Variants in KCNMB2 observed in about 807,000 individuals in gnomAD.
KCNMB2 encodes the protein calcium-activated potassium channel subunit beta-2.
KCNMB2 carries 9 observed loss-of-function variants against 24.5 expected under a neutral mutation model. That is an observed-to-expected ratio of 0.37 (90% CI 0.22 to 0.64). The LOEUF is 0.64. Among genes scored for constraint, KCNMB2 ranks in the 30% least tolerant of loss-of-function variants. The pLI, the probability that KCNMB2 is intolerant of heterozygous loss-of-function variation, is 0.63. For synonymous variants in KCNMB2, 109 were observed against 104.4 expected, an observed-to-expected ratio of 1.04 and a Z score of -0.27; for missense variants, 226 against 284.3, an observed-to-expected ratio of 0.79 and a Z score of 1.47.
At chr3:178,742,984 G>A (rs1334940721) in intron 1 of KCNMB2, among the ~76,000 whole-genome samples, 1 of 152,114 alleles carries the variant, frequency 6.6e-6, no homozygotes, top group Non-Finnish European at 1.5e-5. Context: ...GATTTTTTGA[G>A]TCTGTGGCTG....
At chr3:178,611,330 C>T in intron 1 of KCNMB2, among the ~76,000 whole-genome samples, 1 of 152,010 alleles carries the variant, frequency 6.6e-6, no homozygotes. Context: ...TTTTGTATTT[C>T]TCATTGTATT....
intron 1 of KCNMB2, among the ~76,000 whole-genome samples, chr3:178,745,715 G>A (rs748673242): frequency 1.1e-4 from 16 of 152,166 alleles, no homozygotes; most frequent in Admixed American, 1.3e-4. Flanking sequence ...TACAGCATTG[G>A]GTAAATACAG....
At chr3:178,647,462 A>G (rs1719959280) in intron 1 of KCNMB2, among the ~76,000 whole-genome samples, 1 of 152,182 alleles carries the variant, frequency 6.6e-6, no homozygotes, top group East Asian at 1.9e-4. Flanking sequence ...GCCTTAACAG[A>G]GTGCACTAGA....
chr3:178,640,032 T>A (rs1250806218), intron 1 of KCNMB2, among the ~76,000 whole-genome samples: 1 of 148,236 alleles, frequency 6.7e-6, no homozygotes, highest in Non-Finnish European at 1.5e-5. Flanking sequence ...CACATGCCAA[T>A]AAATATCAAT....
intron 2 of KCNMB2, among the ~76,000 whole-genome samples, chr3:178,809,080 T>G (rs1714088100): frequency 6.6e-6 from 1 of 152,234 alleles, no homozygotes; most frequent in African/African-American, 2.4e-5. Flanking sequence ...GCTTTCAAGT[T>G]GAATCATCTT....
At chr3:178,778,099 G>C (rs1304692407) in intron 1 of KCNMB2, among the ~76,000 whole-genome samples, 1 of 152,134 alleles carries the variant, frequency 6.6e-6, no homozygotes. Flanking sequence ...TTTGCTTGCA[G>C]TGTTTCTTTT....
intron 1 of KCNMB2, among the ~76,000 whole-genome samples, chr3:178,649,829 G>T (rs989632743): frequency 5.2e-5 from 3 of 57,708 alleles, no homozygotes; most frequent in African/African-American, 2.4e-4. Flanking sequence ...TGGATTCATT[G>T]ACTTTTTTCT....
At chr3:178,615,278 C>CT (rs1429133940) in intron 1 of KCNMB2, among the ~76,000 whole-genome samples, 1 of 152,194 alleles carries the variant, frequency 6.6e-6, no homozygotes, top group Non-Finnish European at 1.5e-5. Context: ...TCCCTGGCTA[C>CT]TGCCTATGTT....
chr3:178,619,177 T>C (rs1445613646), intron 1 of KCNMB2, among the ~76,000 whole-genome samples: 2 of 152,188 alleles, frequency 1.3e-5, no homozygotes, highest in African/African-American at 4.8e-5. Flanking sequence ...GAATTTACAG[T>C]CTAGTAGGGG....
intron 1 of KCNMB2, chr3:178,748,869 A>C (rs190870077): frequency 6.6e-6 from 1 of 152,196 alleles, no homozygotes. Flanking sequence ...GTTCTCTGCT[A>C]AGGGAAGGAA....
intron 1 of KCNMB2, among the ~76,000 whole-genome samples, chr3:178,638,085 G>C (rs1445667777): frequency 6.6e-6 from 1 of 152,024 alleles, no homozygotes; most frequent in Non-Finnish European, 1.5e-5. Flanking sequence ...TCAGCACCTC[G>C]ATTCAGACCT....
intron 1 of KCNMB2, among the ~76,000 whole-genome samples, chr3:178,727,818 G>A (rs1170563290): frequency 2.0e-5 from 3 of 152,150 alleles, no homozygotes; most frequent in Non-Finnish European, 4.4e-5. Flanking sequence ...ATAAATTTGT[G>A]TTCTTTTAAG....
At chr3:178,616,746 G>A (rs2108522546) in intron 1 of KCNMB2, among the ~76,000 whole-genome samples, 1 of 152,212 alleles carries the variant, frequency 6.6e-6, no homozygotes, top group Admixed American at 6.5e-5. Flanking sequence ...TCACCATCTT[G>A]CCCTGCCTCC....
chr3:178,726,613 C>T (rs1722975387), intron 1 of KCNMB2, among the ~76,000 whole-genome samples: 1 of 151,732 alleles, frequency 6.6e-6, no homozygotes, highest in African/African-American at 2.4e-5. Context: ...TAGATATACA[C>T]TGCATCTAAA....
rs74908069 is a variant in KCNMB2, at chr3:178,754,033, T to C, written c.-67-53310T>C. ...TAGATTTCACATATAAGTGAGATTATGCAGTATTTATCTTTCTGTGCCTGG... is the reference window on the plus strand; with the variant it reads ...TAGATTTCACATATAAGTGAGATTACGCAGTATTTATCTTTCTGTGCCTGG... On this transcript the variant is annotated intron_variant, in intron 1 of 4. Transcript: ENST00000452583. Among the ~76,000 whole-genome samples the C allele has an allele frequency of 4.5e-3, 680 of 151,616 alleles. 12 individuals carry two copies. The highest frequency in any genetic ancestry group is 0.032 in the East Asian group (168 of 5,172).
intron 1 of KCNMB2, among the ~76,000 whole-genome samples, chr3:178,668,402 C>T (rs1720792058): frequency 6.6e-6 from 1 of 151,976 alleles, no homozygotes; most frequent in South Asian, 2.1e-4. Context: ...AGTGTAAGAG[C>T]TTTTTCTGCG....
chr3:178,828,386 C>T lies in KCNMB2; in HGVS notation c.423+13C>T, dbSNP rs200274160. 4.4e-6 allele frequency: 7 copies of T among 1,598,212 alleles called. No homozygotes were observed. The highest frequency in any genetic ancestry group is 2.7e-5 in the African/African-American group (2 of 74,682). ...AATCAATCAGAAGGTAGGAACTTGGCGTACTGCATTTCAGTTACCCCACAG... is the reference window on the plus strand; with the variant it reads ...AATCAATCAGAAGGTAGGAACTTGGTGTACTGCATTTCAGTTACCCCACAG... On this transcript the variant is annotated intron_variant, in intron 4 of 4. Coordinates refer to ENST00000452583, the MANE Select transcript of KCNMB2 (RefSeq NM_181361.3).
At chr3:178,678,395 G>A (rs1294107400) in intron 1 of KCNMB2, among the ~76,000 whole-genome samples, 1 of 152,054 alleles carries the variant, frequency 6.6e-6, no homozygotes, top group African/African-American at 2.4e-5. Flanking sequence ...TGGGCCTAAG[G>A]GACTTTATTT....
At position 178,736,790 on chromosome 3, in the gene KCNMB2, A is replaced by G. The variant is rs568813205; in HGVS notation, c.-67-70553A>G. On this transcript the variant is annotated intron_variant, in intron 1 of 4. Coordinates refer to ENST00000452583, the MANE Select transcript of KCNMB2 (RefSeq NM_181361.3). The stretch of plus-strand genomic sequence containing the variant: ...CTAACAAAAAATGTTTAATGTTTTA[A>G]ATTAATTTAAGTACTGGTGCCAAAA... Among the ~76,000 whole-genome samples the G allele has an allele frequency of 2.0e-5, 3 of 152,380 alleles. No individual in the cohort carries two copies. The South Asian group carries it at 6.2e-4, about 32-fold the overall frequency.
Sources: gnomAD v4.1 joint callset for allele counts (sites outside exome capture counted in the v4.1 genomes callset) on GRCh38, gnomAD v4.1.1 for gene constraint, MANE v1.5 for transcripts, NCBI Gene and HGNC (gene_info 2026-07-23, HGNC 2026-07-21) for gene names.